KLRC4: variants seen among roughly 807,000 people sequenced by gnomAD.
KLRC4 encodes the protein NKG2-F type II integral membrane protein.
In KLRC4, 6 loss-of-function variants were observed where a neutral mutation model predicts 14.3. The observed-to-expected ratio is 0.42, with a 90% confidence interval of 0.23 to 0.83. The LOEUF is 0.83. Among genes scored for constraint, KLRC4 ranks in the 40% least tolerant of loss-of-function variants. The pLI, the probability that KLRC4 is intolerant of heterozygous loss-of-function variation, is 0.29. For synonymous variants in KLRC4, 53 were observed against 60.5 expected (o/e 0.88, Z 0.57); for missense variants, 158 against 179.4 (o/e 0.88, Z 0.68).
rs1413344256 is a variant in KLRC4, at chr12:10,407,527, C to T, written c.*126G>A. The T allele has an allele frequency of 1.7e-6, 2 of 1,165,282 alleles. No individual in the cohort carries two copies. Among genetic ancestry groups the T allele is most frequent in the East Asian group, 5.1e-5 (2 of 39,004 alleles). The allele number at this position is 1,165,282 out of a possible 1,614,324, so 72.2% of individuals were successfully genotyped here. ...TGAAGTCAGTTGAATACTACACAGA[C>T]TTAAAAATATATGAAGTAAATATAT... On this transcript the variant is annotated 3_prime_UTR_variant, in exon 4 of 4. Transcript: ENST00000309384.
Position 10,408,386 on chromosome 12 carries a change from GA to G in KLRC4, c.287-5del. 1 of 1,390,088 alleles carries G rather than the reference GA, an allele frequency of 7.2e-7. No homozygotes were observed. Among genetic ancestry groups the G allele is most frequent in the South Asian group, 1.3e-5 (1 of 79,544 alleles). The allele number at this position is 1,390,088 out of a possible 1,614,324, so 86.1% of individuals were successfully genotyped here. A position where few individuals can be genotyped will look rare whatever the true frequency, so the allele number is the denominator to read the frequency against. On this transcript the variant is annotated splice_region_variant and splice_polypyrimidine_tract_variant and intron_variant, in intron 2 of 3. Coordinates refer to ENST00000309384, the MANE Select transcript of KLRC4 (RefSeq NM_013431.2). The stretch of plus-strand genomic sequence containing the variant: ...TTCTGCTCCAGTACTCCAATACCTA[GA>G]AAAATTAAAGTGATTCTTACAAAAT...
At chr12:10,408,513 T>C in intron 2 of KLRC4, 131 bp from the exon 3 acceptor site, 1 of 581,384 alleles carries the variant, frequency 1.7e-6, no homozygotes, top group Non-Finnish European at 2.9e-6. Flanking sequence ...ATGACTTTTC[T>C]ATAAAAATAA....
chr12:10,409,519 C>G lies in KLRC4; in HGVS notation c.57G>C (p.Arg19Ser). 1.1e-5 allele frequency: 17 copies of G among 1,613,988 alleles called. No homozygotes were observed. The highest frequency in any genetic ancestry group is 1.4e-5 in the Non-Finnish European group (16 of 1,179,934). ...SEVSLAQDPK[R>S]QQRKLKGNKI... is the part of the protein sequence containing the mutation. ...TATTGCCCTTAAGTTTCCTTTGCTG[C>G]CTCTTTGGGTCCTGGGCCAGACTCA... is the stretch of plus-strand genomic sequence containing the variant. The change falls in exon 1 of 4, where the codon AGG becomes AGC. Residue 19 changes from arginine to serine, a missense_variant. Transcript: ENST00000309384.
chr12:10,407,746 G>A lies in KLRC4; in HGVS notation c.384C>T (p.Ser128=), dbSNP rs761182186. Residue 128 remains serine (S), a synonymous_variant, in exon 4 of 4, where the codon TCC becomes TCT. Transcript: ENST00000309384. ...CCTTACCAATGTAATAACAACTGTTGGAATATGTAATCCACTCCTCAGGAC... is the reference window on the plus strand; with the variant it reads ...CCTTACCAATGTAATAACAACTGTTAGAATATGTAATCCACTCCTCAGGAC... ...GHCPEEWITY[S]NSCYYIGKER... is the part of the protein sequence containing the mutation. The A allele has an allele frequency of 6.2e-7, 1 of 1,613,498 alleles. No homozygotes were observed. Among genetic ancestry groups the A allele is most frequent in the Non-Finnish European group, 8.5e-7 (1 of 1,179,782 alleles).
rs1230262833 is a variant in KLRC4 at position 10,409,736 on chromosome 12, G to C, written c.-161C>G. On this transcript the variant is annotated 5_prime_UTR_variant, in exon 1 of 4. Transcript: ENST00000309384. ...TGCTGTTGACCAATATAAAAGTCTG[G>C]TACTAATTTCCTAAAGTTTTAAACT... 8.5e-6 allele frequency: 9 copies of C among 1,063,992 alleles called. No homozygotes were observed. Among genetic ancestry groups the C allele is most frequent in the Non-Finnish European group, 1.1e-5 (9 of 808,812 alleles). 65.9% of individuals were successfully genotyped at this position (1,063,992 alleles called of 1,614,324 possible). A position where few individuals can be genotyped will look rare whatever the true frequency, so the allele number is the denominator to read the frequency against.
chr12:10,409,571 T>C lies in KLRC4; in HGVS notation c.5A>G (p.Asn2Ser), dbSNP rs536097625. The C allele has an allele frequency of 2.8e-5, 45 of 1,612,370 alleles. No homozygotes were observed. The South Asian group carries it at 4.7e-4, about 17-fold the overall frequency. ...TTCTGAGTAGGTTCCTCTTTGTTTA[T>C]TCATCTCTGCAGCTGTGTGATGTCA... The part of the protein sequence containing the change: M[N>S]KQRGTYSEVS... Residue 2 changes from asparagine to serine, a missense_variant, in exon 1 of 4, where the codon AAT becomes AGT. Coordinates refer to ENST00000309384, the MANE Select transcript of KLRC4 (RefSeq NM_013431.2).
chr12:10,408,650 C>T (rs568900395), intron 2 of KLRC4, among the ~76,000 whole-genome samples: 9 of 151,968 alleles, frequency 5.9e-5, no homozygotes, highest in Non-Finnish European at 1.0e-4. Context: ...TAAAACATGT[C>T]TTTGAGTCAT....
chr12:10,408,770 G>A lies in KLRC4; in HGVS notation c.286+142C>T, dbSNP rs1234354243. 4 of 1,023,364 alleles carry A rather than the reference G, an allele frequency of 3.9e-6. No individual in the cohort carries two copies. The African/African-American group carries it at 4.9e-5, about 12-fold the overall frequency. The allele number at this position is 1,023,364 out of a possible 1,614,324, so 63.4% of individuals were successfully genotyped here. A position where few individuals can be genotyped will look rare whatever the true frequency, so the allele number is the denominator to read the frequency against. On this transcript the variant is annotated intron_variant, in intron 2 of 3. Coordinates refer to ENST00000309384, the MANE Select transcript of KLRC4 (RefSeq NM_013431.2). ...ATTCTGTTATTTATAAATTTGAAAAGTTCAGAAGCAGCATATTATCTTGGG... is the reference window on the plus strand; with the variant it reads ...ATTCTGTTATTTATAAATTTGAAAAATTCAGAAGCAGCATATTATCTTGGG...
chr12:10,408,132 G>A (rs1863528372), intron 3 of KLRC4, among the ~76,000 whole-genome samples, 197 bp downstream of exon 3: 2 of 152,074 alleles, frequency 1.3e-5, no homozygotes. Context: ...TGCAACAAGA[G>A]GGTATAATGA....
Position 10,408,397 on chromosome 12 carries a change from G to C in KLRC4, c.287-15C>G. 7.7e-7 allele frequency: 1 copy of C among 1,299,496 alleles called. No homozygotes were observed. The highest frequency in any genetic ancestry group is 2.4e-5 in the East Asian group (1 of 41,118). The allele number at this position is 1,299,496 out of a possible 1,614,324, so 80.5% of individuals were successfully genotyped here. On this transcript the variant is annotated splice_polypyrimidine_tract_variant and intron_variant, in intron 2 of 3. Coordinates refer to ENST00000309384, the MANE Select transcript of KLRC4 (RefSeq NM_013431.2). ...TACTCCAATACCTAGAAAAATTAAAGTGATTCTTACAAAATTAATATCTAG... is the reference window on the plus strand; with the variant it reads ...TACTCCAATACCTAGAAAAATTAAACTGATTCTTACAAAATTAATATCTAG...
At position 10,409,604 on chromosome 12, in the gene KLRC4, T is replaced by G. The variant is rs569544187; in HGVS notation, c.-29A>C. 1 of 1,589,886 alleles carries G rather than the reference T, an allele frequency of 6.3e-7. No individual in the cohort carries two copies. Among genetic ancestry groups the G allele is most frequent in the Non-Finnish European group, 8.5e-7 (1 of 1,170,916 alleles). ...TGCAGCTGTGTGATGTCAGGGACTG[T>G]GCTCTATGATAACTGCACTTAAGAA... On this transcript the variant is annotated 5_prime_UTR_variant, in exon 1 of 4. Transcript: ENST00000309384.
At chr12:10,409,218 T>C (rs578091615) in intron 1 of KLRC4, among the ~76,000 whole-genome samples, 171 bp downstream of exon 1, 125 of 152,350 alleles carry the variant, frequency 8.2e-4, no homozygotes, top group African/African-American at 2.5e-3. Flanking sequence ...CAAATTACAA[T>C]TGAACAATGC....
intron 3 of KLRC4, 31 bp from the exon 4 acceptor site, chr12:10,407,820 C>CA (rs1280658681): frequency 1.3e-6 from 2 of 1,588,408 alleles, no homozygotes; most frequent in African/African-American, 2.7e-5. Context: ...CTATGCAAAA[C>CA]AATATGTTTA....
chr12:10,408,320 A>G lies in KLRC4; in HGVS notation c.340+9T>C, dbSNP rs772770659. ...TACTAACATCAGAACATTGACAATC[A>G]TAATGTACCTTTCTGCATTCTTCTA... On this transcript the variant is annotated intron_variant, in intron 3 of 3. Transcript: ENST00000309384. 5 of 1,442,232 alleles carry G rather than the reference A, an allele frequency of 3.5e-6. No individual in the cohort carries two copies. The African/African-American group carries it at 4.2e-5, about 12-fold the overall frequency. The allele number at this position is 1,442,232 out of a possible 1,614,324, so 89.3% of individuals were successfully genotyped here. A position where few individuals can be genotyped will look rare whatever the true frequency, so the allele number is the denominator to read the frequency against.
chr12:10,407,924 T>C lies in KLRC4; in HGVS notation c.341-135A>G, dbSNP rs559672672. 105 of 1,262,560 alleles carry C rather than the reference T, an allele frequency of 8.3e-5. No individual in the cohort carries two copies. In the African/African-American group the frequency reaches 1.5e-3, roughly 18 times the overall value. 78.2% of individuals were successfully genotyped at this position (1,262,560 alleles called of 1,614,324 possible). A position where few individuals can be genotyped will look rare whatever the true frequency, so the allele number is the denominator to read the frequency against. The stretch of plus-strand genomic sequence containing the variant: ...AAGTTGTTAAATATATATTTTAAAA[T>C]AACGAGTCACTCATACGCACATGCA... On this transcript the variant is annotated intron_variant, in intron 3 of 3. Transcript: ENST00000309384.
chr12:10,408,328 C>A lies in KLRC4; in HGVS notation c.340+1G>T. On this transcript the variant is annotated splice_donor_variant, in intron 3 of 3. Coordinates refer to ENST00000309384, the MANE Select transcript of KLRC4 (RefSeq NM_013431.2). LOFTEE classifies it high-confidence loss of function. ...TCAGAACATTGACAATCATAATGTA[C>A]CTTTCTGCATTCTTCTATTCAGGGA... 1 of 1,478,140 alleles carries A rather than the reference C, an allele frequency of 6.8e-7. No homozygotes were observed. The highest frequency in any genetic ancestry group is 1.2e-5 in the South Asian group (1 of 86,926). The allele number at this position is 1,478,140 out of a possible 1,614,324, so 91.6% of individuals were successfully genotyped here.
chr12:10,407,940 C>T (rs1377209693), intron 3 of KLRC4, 151 bp from the exon 4 acceptor site: 42 of 1,137,480 alleles, frequency 3.7e-5, no homozygotes, highest in Admixed American at 9.4e-5. Flanking sequence ...GTCACTCATA[C>T]GCACATGCAC....
chr12:10,408,959 C>A lies in KLRC4; in HGVS notation c.239G>T (p.Cys80Phe), dbSNP rs893645144. ...KLTAEVLGII[C>F]IVLMATVLKT... ...TAACACAGTGGCCATCAGGACAATG[C>A]AAATGATTCCTAGGACCTCAGCAGT... The change falls in exon 2 of 4, where the codon TGC becomes TTC. Residue 80 changes from cysteine (C) to phenylalanine (F), a missense_variant. Cys to Phe is a radical substitution (Grantham distance 205). Coordinates refer to ENST00000309384, the MANE Select transcript of KLRC4 (RefSeq NM_013431.2). 6.2e-7 allele frequency: 1 copy of A among 1,613,740 alleles called. No homozygotes were observed. The highest frequency in any genetic ancestry group is 8.5e-7 in the Non-Finnish European group (1 of 1,179,740).
Position 10,409,389 on chromosome 12 carries a change from CT to C in KLRC4, c.186del (p.Gly63ValfsTer14), listed in dbSNP as rs774537032. On this transcript the variant is annotated frameshift_variant and splice_region_variant, in exon 1 of 4. Coordinates refer to ENST00000309384, the MANE Select transcript of KLRC4 (RefSeq NM_013431.2). LOFTEE classifies it high-confidence loss of function. ...ATTGAAGATCTATTTAATGTTTTAC[CT>C]TTGCAGTGATATGTCTTGTCATTCC... Reference protein sequence around the residue: ...HQGNDKTYHCKGLLPPPEKLT... With the variant: ...HQGNDKTYHCXGLLPPPEKLT... 1.9e-6 allele frequency: 3 copies of C among 1,606,038 alleles called. No homozygotes were observed. In the South Asian group the frequency reaches 3.3e-5, roughly 18 times the overall value.
Sources: gnomAD v4.1 joint callset for allele counts (sites outside exome capture counted in the v4.1 genomes callset) on GRCh38, gnomAD v4.1.1 for gene constraint, MANE v1.5 for transcripts, NCBI Gene and HGNC (gene_info 2026-07-23, HGNC 2026-07-21) for gene names.